SGSH: variants seen among roughly 807,000 people sequenced by gnomAD.
The protein encoded by SGSH is N-sulfoglucosamine sulfohydrolase.
SGSH carries 48 observed loss-of-function variants against 51.0 expected under a neutral mutation model. That is an observed-to-expected ratio of 0.94 (90% CI 0.75 to 1.20). The LOEUF (loss-of-function observed/expected upper bound fraction) is 1.20, where lower values mean the gene tolerates loss of function less well. Ranked by LOEUF, SGSH falls within the 50% of genes most tolerant of loss-of-function variation. SGSH has a pLI of 0.00. For missense variants in SGSH, 662 were observed against 717.8 expected (o/e 0.92, Z 0.89); for synonymous variants, 321 against 313.4 (o/e 1.02, Z -0.26).
downstream of SGSH, chr17:80,201,993 A>C: frequency 7.3e-7 from 1 of 1,375,762 alleles, no homozygotes; most frequent in Non-Finnish European, 9.9e-7. The surrounding 1 kb of genome is among the most constrained non-coding windows in gnomAD (Gnocchi z 5.0). Context: ...AGGATCAGCC[A>C]GGCTGTGCCC....
downstream of SGSH, among the ~76,000 whole-genome samples, chr17:80,207,379 T>C (rs1033487912): frequency 3.3e-5 from 5 of 152,184 alleles, no homozygotes; most frequent in African/African-American, 1.2e-4. Flanking sequence ...GGAGAAACCC[T>C]GTCTCTATTA....
intron 1 of SGSH, 56 bp downstream of exon 1, chr17:80,220,170 T>G (rs1447642016): frequency 5.1e-5 from 68 of 1,344,700 alleles, no homozygotes; most frequent in Non-Finnish European, 6.7e-5. Context: ...AGGAGGCCAG[T>G]GGCCACTTCC....
chr17:80,207,076 A>C (rs1167588106), downstream of SGSH: 1 of 1,613,130 alleles, frequency 6.2e-7, no homozygotes, highest in Non-Finnish European at 8.5e-7. Context: ...AAGATGGCAA[A>C]GAAGCTCAAG....
chr17:80,205,627 A>G (rs769572972), downstream of SGSH: 20 of 1,342,138 alleles, frequency 1.5e-5, no homozygotes, highest in South Asian at 2.4e-4. Context: ...GTGACCCGCC[A>G]TGCTGTGGAG....
In SGSH at chr17:80,212,316, G is replaced by A. The variant is rs780702073; in HGVS notation, c.746-42C>T. On this transcript the variant is annotated intron_variant, in intron 6 of 7. Transcript: ENST00000326317. The surrounding 1 kb of genome is among the most constrained non-coding windows in gnomAD (Gnocchi z 5.9). ...AGAAGCAGAGCTCAGCCGCAGACAC[G>A]GAGGGAGGCAGCGGGTGGTGTGTGT... 8.7e-5 allele frequency: 134 copies of A among 1,535,052 alleles called. No individual in the cohort carries two copies. Among genetic ancestry groups the A allele is most frequent in the Non-Finnish European group, 3.7e-5 (42 of 1,126,944 alleles).
At chr17:80,214,130 A>AG (rs752995788) in intron 5 of SGSH, 42 bp downstream of exon 5, 1 of 1,580,252 alleles carries the variant, frequency 6.3e-7, no homozygotes, top group Non-Finnish European at 8.6e-7. Context: ...TCCCCGACCC[A>AG]GGGCTGACGG....
chr17:80,216,738 A>G (rs1226425087), intron 2 of SGSH: 2 of 483,038 alleles, frequency 4.1e-6, no homozygotes, highest in South Asian at 2.5e-5. Context: ...GCCAATCTCC[A>G]TAACTAGAGT....
At chr17:80,202,139 G>A (rs201468126), downstream of SGSH, 40 of 1,544,454 alleles carry the variant, frequency 2.6e-5, no homozygotes, top group South Asian at 6.7e-5. Context: ...GCAGAGGCTC[G>A]TATCTGTGGC....
At chr17:80,202,835 C>A, downstream of SGSH, 1 of 208,308 alleles carries the variant, frequency 4.8e-6, no homozygotes, top group Non-Finnish European at 9.8e-6. Flanking sequence ...TGCCAAGGGT[C>A]CCCTGGTTCT....
chr17:80,202,446 C>A (rs374347865), downstream of SGSH: 12 of 1,602,834 alleles, frequency 7.5e-6, no homozygotes, highest in African/African-American at 9.4e-5. Flanking sequence ...GAGCTCGGTG[C>A]GTCCCCAGAG....
At chr17:80,201,634 C>G in the SGSH span, 1 of 1,160,236 alleles carries the variant, frequency 8.6e-7, no homozygotes, top group Non-Finnish European at 1.3e-6. The surrounding 1 kb of genome is among the most constrained non-coding windows in gnomAD (Gnocchi z 5.0). Flanking sequence ...GGCAGTGGTC[C>G]TACGGCAGGG....
chr17:80,205,518 A>G (rs1456071556), downstream of SGSH: 3 of 1,581,750 alleles, frequency 1.9e-6, no homozygotes, highest in Non-Finnish European at 2.6e-6. Context: ...GCCCCGTCCA[A>G]TGTCACCTGT....
In SGSH at chr17:80,213,216, T is replaced by C. The variant is rs1399000784; in HGVS notation, c.745+588A>G. ...CTCAAAAAAAAAAAAAAAGAAGAAGTGGAGACACAAAGAGGAGACACAGGA... is the reference window on the plus strand; with the variant it reads ...CTCAAAAAAAAAAAAAAAGAAGAAGCGGAGACACAAAGAGGAGACACAGGA... On this transcript the variant is annotated intron_variant, in intron 6 of 7. Transcript: ENST00000326317. The surrounding 1 kb of genome is among the most constrained non-coding windows in gnomAD (Gnocchi z 4.6). 1 of 144,504 alleles carries C rather than the reference T, an allele frequency of 6.9e-6. No individual in the cohort carries two copies. The highest frequency in any genetic ancestry group is 2.6e-5 in the African/African-American group (1 of 38,860). The allele number at this position is 144,504 out of a possible 1,614,324, so 9.0% of individuals were successfully genotyped here.
At chr17:80,216,809 A>G (rs2041907465) in intron 2 of SGSH, 1 of 578,674 alleles carries the variant, frequency 1.7e-6, no homozygotes, top group African/African-American at 1.9e-5. Flanking sequence ...GAGGTAGGTG[A>G]CTTGCTCAAG....
At chr17:80,206,864 C>G (rs1330276011), downstream of SGSH, 4 of 629,030 alleles carry the variant, frequency 6.4e-6, no homozygotes, top group African/African-American at 7.6e-5. Flanking sequence ...CAGCTCCTGC[C>G]CTGCCCTCAG....
In SGSH at chr17:80,212,912, C is replaced by T. The variant is rs1010021158; in HGVS notation, c.746-638G>A. ...GTCCTTATAAGAAGCGGAAACAGGC[C>T]GGGCGCGGTGCCTCACACCTGTAAT... On this transcript the variant is annotated intron_variant, in intron 6 of 7. Transcript: ENST00000326317. The surrounding 1 kb of genome is among the most constrained non-coding windows in gnomAD (Gnocchi z 5.9). 3.7e-5 allele frequency: 6 copies of T among 161,592 alleles called. No individual in the cohort carries two copies. The East Asian group carries it at 9.0e-4, about 24-fold the overall frequency. 10.0% of individuals were successfully genotyped at this position (161,592 alleles called of 1,614,324 possible). A position where few individuals can be genotyped will look rare whatever the true frequency, so the allele number is the denominator to read the frequency against.
At position 80,219,927 on chromosome 17, in the gene SGSH, A is replaced by G. The variant is rs2042076292; in HGVS notation, c.88+299T>C. On this transcript the variant is annotated intron_variant, in intron 1 of 7. Coordinates refer to ENST00000326317, the MANE Select transcript of SGSH (RefSeq NM_000199.5). ...GATCCCCTCCCAAGAGGGATTTGAGATCCGTGGACCCCTGAGCCCTGGCTG... is the reference window on the plus strand; with the variant it reads ...GATCCCCTCCCAAGAGGGATTTGAGGTCCGTGGACCCCTGAGCCCTGGCTG... The G allele has an allele frequency of 2.1e-5, 7 of 337,058 alleles. No individual in the cohort carries two copies. The South Asian group carries it at 5.8e-4, about 28-fold the overall frequency. 20.9% of individuals were successfully genotyped at this position (337,058 alleles called of 1,614,324 possible). A position where few individuals can be genotyped will look rare whatever the true frequency, so the allele number is the denominator to read the frequency against.
intron 1 of SGSH, among the ~76,000 whole-genome samples, chr17:80,218,731 G>T (rs1264673674): frequency 6.6e-6 from 1 of 152,202 alleles, no homozygotes; most frequent in African/African-American, 2.4e-5. Context: ...GCTATGGTCT[G>T]AACTGTGTCC....
downstream of SGSH, chr17:80,201,844 G>A: frequency 1.9e-6 from 3 of 1,613,874 alleles, no homozygotes; most frequent in Non-Finnish European, 2.5e-6. This position sits in a 1 kb window ranked among gnomAD's most constrained non-coding sequence, Gnocchi z 5.0. Flanking sequence ...GGCTTCTGCT[G>A]CCTGTCTGTG....
Sources: allele counts gnomAD v4.1 joint callset (sites outside exome capture counted in the v4.1 genomes callset), GRCh38; gene constraint gnomAD v4.1.1; non-coding constraint Gnocchi (gnomAD v3.1); transcripts MANE v1.5; gene names NCBI Gene and HGNC (gene_info 2026-07-23, HGNC 2026-07-21).